Variants in DOK6 observed in about 807,000 individuals in gnomAD.
DOK6 encodes docking protein 6.
In DOK6, 22 loss-of-function variants were observed where a neutral mutation model predicts 44.0. The observed-to-expected ratio is 0.50, with a 90% CI of 0.36 to 0.71. The LOEUF is 0.71. Ranked by LOEUF, DOK6 falls within the 30% of genes least tolerant of loss-of-function variation. The pLI is 0.00. For synonymous variants in DOK6, 166 were observed against 145.5 expected (o/e 1.14, Z -1.01); for missense variants, 340 against 416.4 (o/e 0.82, Z 1.60).
chr18:69,771,846 G>T (rs1362188707), intron 7 of DOK6, among the ~76,000 whole-genome samples: 1 of 151,700 alleles, frequency 6.6e-6, no homozygotes, highest in Non-Finnish European at 1.5e-5. Context: ...ATTAAGTGAA[G>T]AAAATAATAT....
chr18:69,742,586 A>C (rs1978842879), intron 6 of DOK6, among the ~76,000 whole-genome samples: 1 of 152,182 alleles, frequency 6.6e-6, no homozygotes, highest in South Asian at 2.1e-4. Flanking sequence ...ATTAACTGAC[A>C]ACATATTAAG....
intron 1 of DOK6, among the ~76,000 whole-genome samples, chr18:69,414,474 T>C (rs1006856115): frequency 1.3e-5 from 2 of 152,074 alleles, no homozygotes; most frequent in South Asian, 4.1e-4. Flanking sequence ...AATCATCAAA[T>C]GTTACATACT....
At chr18:69,599,564 G>C in intron 3 of DOK6, 66 bp downstream of exon 3, 2 of 1,314,518 alleles carry the variant, frequency 1.5e-6, no homozygotes, top group Non-Finnish European at 2.2e-6. Context: ...TGGCCCAGGC[G>C]GATTAAGGTA....
intron 5 of DOK6, among the ~76,000 whole-genome samples, chr18:69,715,700 C>G (rs1316188847): frequency 6.6e-6 from 1 of 152,224 alleles, no homozygotes; most frequent in African/African-American, 2.4e-5. Context: ...CAGACTCATG[C>G]TCCATTACTC....
intron 3 of DOK6, among the ~76,000 whole-genome samples, chr18:69,657,512 C>T (rs1320305292): frequency 6.6e-6 from 1 of 152,106 alleles, no homozygotes; most frequent in South Asian, 2.1e-4. Context: ...GATTGCAGGG[C>T]TATTTCTTAC....
intron 2 of DOK6, among the ~76,000 whole-genome samples, chr18:69,566,223 C>T (rs12959090): frequency 0.37 from 56,029 of 151,868 alleles, 11,724 homozygotes; most frequent in South Asian, 0.45. Flanking sequence ...CTGTAAGCTC[C>T]GCCTTCGGGT....
chr18:69,552,789 C>T (rs1395050365), intron 1 of DOK6, among the ~76,000 whole-genome samples: 2 of 152,216 alleles, frequency 1.3e-5, no homozygotes, highest in Non-Finnish European at 2.9e-5. Context: ...GGAAGTGTAC[C>T]TGGCAAATAG....
intron 3 of DOK6, among the ~76,000 whole-genome samples, chr18:69,599,794 A>G (rs1040532017): frequency 6.6e-6 from 1 of 152,136 alleles, no homozygotes; most frequent in Non-Finnish European, 1.5e-5. Flanking sequence ...TGCATGACCA[A>G]TATTCTGGTT....
chr18:69,534,597 C>A (rs1166807432), intron 1 of DOK6, among the ~76,000 whole-genome samples: 1 of 150,858 alleles, frequency 6.6e-6, no homozygotes, highest in African/African-American at 2.4e-5. Flanking sequence ...TTGTTTTTTT[C>A]CATATGAATA....
At chr18:69,643,941 A>C (rs1331874780) in intron 3 of DOK6, among the ~76,000 whole-genome samples, 1 of 152,186 alleles carries the variant, frequency 6.6e-6, no homozygotes, top group African/African-American at 2.4e-5. Flanking sequence ...TAATTTGGCC[A>C]TCCGGATAGG....
chr18:69,464,732 G>C (rs944721632), intron 1 of DOK6, among the ~76,000 whole-genome samples: 2 of 152,168 alleles, frequency 1.3e-5, no homozygotes, highest in African/African-American at 4.8e-5. Flanking sequence ...TCTTCACTAT[G>C]AACAATGTAA....
At chr18:69,426,135 G>A (rs1293414548) in intron 1 of DOK6, among the ~76,000 whole-genome samples, 1 of 152,000 alleles carries the variant, frequency 6.6e-6, no homozygotes, top group African/African-American at 2.4e-5. Flanking sequence ...TTCCATTCAT[G>A]TTCAATGCTA....
At chr18:69,482,337 G>A (rs896978325) in intron 1 of DOK6, among the ~76,000 whole-genome samples, 6 of 152,070 alleles carry the variant, frequency 3.9e-5, no homozygotes, top group African/African-American at 1.2e-4. Context: ...TGCACTGATG[G>A]GGATTTTAAA....
chr18:69,707,695 T>C (rs78899169), intron 5 of DOK6, among the ~76,000 whole-genome samples: 14 of 152,334 alleles, frequency 9.2e-5, no homozygotes, highest in Non-Finnish European at 1.9e-4. Context: ...CATCAAAAAA[T>C]AGATGCTTTG....
intron 1 of DOK6, among the ~76,000 whole-genome samples, chr18:69,520,735 AT>A (rs916783346): frequency 2.0e-5 from 3 of 151,932 alleles, no homozygotes; most frequent in Non-Finnish European, 4.4e-5. Flanking sequence ...ATATGCAAAT[AT>A]TCCAAAATTC....
chr18:69,406,937 G>A (rs951909688), intron 1 of DOK6, among the ~76,000 whole-genome samples: 8 of 152,016 alleles, frequency 5.3e-5, no homozygotes, highest in South Asian at 2.1e-4. Context: ...AAAAATTAGC[G>A]GGGTGCAGAG....
chr18:69,703,052 G>GA (rs34835875), intron 5 of DOK6, among the ~76,000 whole-genome samples: 8 of 149,824 alleles, frequency 5.3e-5, no homozygotes, highest in African/African-American at 9.8e-5. Flanking sequence ...CTCCGAGGGG[G>GA]AAAAAAAAAA....
intron 1 of DOK6, among the ~76,000 whole-genome samples, chr18:69,505,600 C>T (rs1039493714): frequency 2.0e-5 from 3 of 147,604 alleles, no homozygotes; most frequent in Non-Finnish European, 3.0e-5. Context: ...CAGGTTCAAG[C>T]GATTCTCCTG....
intron 7 of DOK6, among the ~76,000 whole-genome samples, chr18:69,808,665 A>G (rs1981126856): frequency 6.6e-6 from 1 of 151,890 alleles, no homozygotes; most frequent in African/African-American, 2.4e-5. Context: ...GAACAATTAT[A>G]CACCAACAAA....
Sources: gnomAD v4.1 joint callset for allele counts (sites outside exome capture counted in the v4.1 genomes callset) on GRCh38, gnomAD v4.1.1 for gene constraint, MANE v1.5 for transcripts, NCBI Gene and HGNC (gene_info 2026-07-23, HGNC 2026-07-21) for gene names.